RASSF3: variants seen among roughly 807,000 people sequenced by gnomAD.
The protein encoded by RASSF3 is ras association domain-containing protein 3.
In RASSF3, 19 loss-of-function variants were observed where a neutral mutation model predicts 19.9. The observed-to-expected ratio is 0.96, with a 90% CI of 0.67 to 1.40. The LOEUF (loss-of-function observed/expected upper bound fraction) is 1.40, where lower values mean the gene tolerates loss of function less well. RASSF3 is among the 40% of genes most tolerant of loss of function. The pLI is 0.00. For missense variants in RASSF3, 306 were observed against 289.8 expected (o/e 1.06, Z -0.41); for synonymous variants, 110 against 104.2 (o/e 1.06, Z -0.34).
intron 2 of RASSF3, among the ~76,000 whole-genome samples, chr12:64,551,260 A>G (rs1359483256): frequency 6.6e-6 from 1 of 152,188 alleles, no homozygotes; most frequent in African/African-American, 2.4e-5. Flanking sequence ...CATCCATAAA[A>G]TGTATGTAAT....
chr12:64,670,083 A>G (rs973998316), intron 1 of RASSF3, among the ~76,000 whole-genome samples: 1 of 151,498 alleles, frequency 6.6e-6, no homozygotes, highest in African/African-American at 2.4e-5. Flanking sequence ...TAATAACTGC[A>G]TATCTTTACC....
upstream of RASSF3, among the ~76,000 whole-genome samples, chr12:64,533,075 T>G (rs1405451536): frequency 3.3e-5 from 5 of 152,158 alleles, no homozygotes; most frequent in African/African-American, 1.2e-4. Flanking sequence ...CACTTGACGG[T>G]CCCTGTGAGC....
rs150680297 is a variant in RASSF3 at position 64,633,820 on chromosome 12, G to A, written c.111+23077G>A. On this transcript the variant is annotated intron_variant, in intron 1 of 4. Transcript: ENST00000542104. Reference sequence around the variant, plus strand: ...AAAGTTTTGGAACTTCTTAGAGACTGATTAAATTTGACCAAAATGCTGATA... The same window carrying A: ...AAAGTTTTGGAACTTCTTAGAGACTAATTAAATTTGACCAAAATGCTGATA... 2.2e-3 allele frequency among the ~76,000 whole-genome samples: 335 copies of A among 152,242 alleles called. 1 individual carries two copies. Among genetic ancestry groups the A allele is most frequent in the African/African-American group, 7.7e-3 (321 of 41,548 alleles).
rs111714928 is a variant in RASSF3, at chr12:64,678,794, A to G, written c.112-5993A>G. Among the ~76,000 whole-genome samples the G allele has an allele frequency of 3.7e-3, 560 of 152,300 alleles. 4 individuals carry two copies. The highest frequency in any genetic ancestry group is 0.013 in the African/African-American group (528 of 41,558). ...TCACAGCTTTAAGTGCTTGGCACCA[A>G]TAGGCACTCAATAAATAGTTGTTGA... On this transcript the variant is annotated intron_variant, in intron 1 of 4. Coordinates refer to ENST00000542104, the MANE Select transcript of RASSF3 (RefSeq NM_178169.4).
rs562173967 is a variant in RASSF3, at chr12:64,510,690, A to G, written c.169+3361A>G. Among the ~76,000 whole-genome samples the G allele has an allele frequency of 2.3e-4, 35 of 152,350 alleles. No homozygotes were observed. In the South Asian group the frequency reaches 6.8e-3, roughly 30 times the overall value. On this transcript the variant is annotated intron_variant, in intron 1 of 5. Coordinates refer to the RASSF3 transcript ENST00000637125. ...CAAGGCATGATTTAGGAAGAAATAT[A>G]GAAGGAAAGTCGTAAATCTGAATTC...
rs374268214 is a variant in RASSF3 at position 64,688,302 on chromosome 12, C to G, written c.306C>G (p.Leu102=). 6.8e-5 allele frequency: 110 copies of G among 1,614,144 alleles called. No homozygotes were observed. The South Asian group carries it at 7.6e-4, about 11-fold the overall frequency. Reference sequence around the variant, plus strand: ...AGACTTCTCCAAATTCTGGAAAACTCTCTCCCAGTAGCAATGGCTGTATGA... The same window carrying G: ...AGACTTCTCCAAATTCTGGAAAACTGTCTCCCAGTAGCAATGGCTGTATGA... ...PPQTSPNSGK[L]SPSSNGCMNT... is the part of the protein sequence containing the mutation. Residue 102 remains leucine (L), a synonymous_variant, in exon 3 of 5, where the codon CTC becomes CTG. Coordinates refer to ENST00000542104, the MANE Select transcript of RASSF3 (RefSeq NM_178169.4).
At chr12:64,560,387 G>A (rs1214839606) in intron 2 of RASSF3, among the ~76,000 whole-genome samples, 1 of 152,136 alleles carries the variant, frequency 6.6e-6, no homozygotes, top group Non-Finnish European at 1.5e-5. Flanking sequence ...TCTATTGCTT[G>A]TTATCACTTG....
At chr12:64,657,891 T>C (rs1872215599) in intron 1 of RASSF3, among the ~76,000 whole-genome samples, 1 of 152,096 alleles carries the variant, frequency 6.6e-6, no homozygotes, top group Admixed American at 6.6e-5. Context: ...AAGACCAGCC[T>C]GGGCGAGACC....
intron 2 of RASSF3, among the ~76,000 whole-genome samples, chr12:64,556,834 CTTTTTTT>C (rs5798747): frequency 1.7e-5 from 2 of 114,404 alleles, no homozygotes; most frequent in Non-Finnish European, 3.6e-5. Flanking sequence ...CCCCCTACCC[CTTTTTTT>C]TTTTTTTTTT....
chr12:64,689,791 C>CTTTTTTTTTTTTTTTTTTTTTTTTTT (rs762822586), intron 3 of RASSF3, among the ~76,000 whole-genome samples: 1 of 96,556 alleles, frequency 1.0e-5, no homozygotes, highest in Admixed American at 1.3e-4. Flanking sequence ...TTCGCTAATT[C>CTTTTTTTTTTTTTTTTTTTTTTTTTT]TTTTTTTTTT....
rs1592479540 is a variant in RASSF3 at position 64,695,930 on chromosome 12, G to T, written c.*1018G>T. 4 of 152,348 alleles carry T rather than the reference G, an allele frequency of 2.6e-5. No homozygotes were observed. The highest frequency in any genetic ancestry group is 4.8e-5 in the African/African-American group (2 of 41,564). 9.4% of individuals were successfully genotyped at this position (152,348 alleles called of 1,614,324 possible). On this transcript the variant is annotated 3_prime_UTR_variant, in exon 5 of 5. Coordinates refer to ENST00000542104, the MANE Select transcript of RASSF3 (RefSeq NM_178169.4). ...TTTTCAAAGTTGAGACGGAATTTGG[G>T]TAGGGGCAGCTGTTTTTCCCTTGAT...
intron 1 of RASSF3, among the ~76,000 whole-genome samples, chr12:64,683,579 A>G (rs1230209403): frequency 6.6e-6 from 1 of 152,216 alleles, no homozygotes; most frequent in Non-Finnish European, 1.5e-5. Flanking sequence ...GTAGTTGTGT[A>G]CAGTTTACAG....
At chr12:64,632,065 G>T (rs541671393) in intron 1 of RASSF3, among the ~76,000 whole-genome samples, 2 of 152,280 alleles carry the variant, frequency 1.3e-5, no homozygotes, top group South Asian at 4.1e-4. Flanking sequence ...ATCTAGAAAT[G>T]TGTATATAAT....
Position 64,695,099 on chromosome 12 carries a change from C to G in RASSF3, c.*187C>G, listed in dbSNP as rs190752596. 1.5e-5 allele frequency: 9 copies of G among 586,748 alleles called. No homozygotes were observed. The Admixed American group carries it at 2.7e-4, about 18-fold the overall frequency. 36.3% of individuals were successfully genotyped at this position (586,748 alleles called of 1,614,324 possible). A position where few individuals can be genotyped will look rare whatever the true frequency, so the allele number is the denominator to read the frequency against. On this transcript the variant is annotated 3_prime_UTR_variant, in exon 5 of 5. Transcript: ENST00000542104. ...ACCTTAGCGTCCCATGTAAGGGACTCTGCAAGCTTGTTGTTCAGCACCGCA... is the reference window on the plus strand; with the variant it reads ...ACCTTAGCGTCCCATGTAAGGGACTGTGCAAGCTTGTTGTTCAGCACCGCA...
chr12:64,520,193 G>T (rs1868438116), intron 1 of RASSF3, among the ~76,000 whole-genome samples: 1 of 145,518 alleles, frequency 6.9e-6, no homozygotes, highest in Non-Finnish European at 1.5e-5. Context: ...TTTTGAGATG[G>T]AGTCTCGCTC....
At chr12:64,671,539 A>C (rs1438008254) in intron 1 of RASSF3, among the ~76,000 whole-genome samples, 1 of 152,222 alleles carries the variant, frequency 6.6e-6, no homozygotes, top group African/African-American at 2.4e-5. Flanking sequence ...TCTGCAGCAA[A>C]GAGTACCTCT....
At chr12:64,579,212 C>T (rs551503907) in intron 2 of RASSF3, among the ~76,000 whole-genome samples, 2 of 151,984 alleles carry the variant, frequency 1.3e-5, no homozygotes, top group Non-Finnish European at 1.5e-5. Context: ...CACCTTTTTT[C>T]AGCTTCAAAA....
intron 2 of RASSF3, among the ~76,000 whole-genome samples, chr12:64,568,870 C>T (rs963481423): frequency 6.6e-6 from 1 of 152,092 alleles, no homozygotes; most frequent in African/African-American, 2.4e-5. Flanking sequence ...CCATCATGCC[C>T]AGCTAATTTT....
intron 1 of RASSF3, among the ~76,000 whole-genome samples, chr12:64,652,300 T>C (rs1871986180): frequency 6.6e-6 from 1 of 152,232 alleles, no homozygotes; most frequent in African/African-American, 2.4e-5. Context: ...AAACTTTCTG[T>C]ATCTTTCAGT....
Sources: gnomAD v4.1 joint callset for allele counts (sites outside exome capture counted in the v4.1 genomes callset) on GRCh38, gnomAD v4.1.1 for gene constraint, MANE v1.5 for transcripts, NCBI Gene and HGNC (gene_info 2026-07-23, HGNC 2026-07-21) for gene names.